The following DDC variants were observed in gnomAD, a reference collection of about 807,000 sequenced individuals.
DDC encodes the protein aromatic-L-amino-acid decarboxylase.
A neutral mutation model predicts 60.0 loss-of-function variants in DDC; 43 were observed. The observed-to-expected ratio is 0.72, with a 90% CI of 0.56 to 0.92. DDC has a LOEUF of 0.92. Ranked by LOEUF, DDC falls within the 40% of genes least tolerant of loss-of-function variation. DDC has a pLI of 0.00. For synonymous variants in DDC, 232 were observed against 234.6 expected, an observed-to-expected ratio of 0.99 and a Z score of 0.10; for missense variants, 573 against 620.2, an observed-to-expected ratio of 0.92 and a Z score of 0.81.
At chr7:50,510,097 A>G (rs566781246) in intron 6 of DDC, among the ~76,000 whole-genome samples, 28 of 151,792 alleles carry the variant, frequency 1.8e-4, no homozygotes, top group Non-Finnish European at 3.5e-4. Flanking sequence ...TCAGCTTCCC[A>G]AGTAGCTGGG....
chr7:50,478,944 T>G (rs2042707912), intron 10 of DDC, among the ~76,000 whole-genome samples: 2 of 152,256 alleles, frequency 1.3e-5, no homozygotes, highest in African/African-American at 4.8e-5. Flanking sequence ...TGTACATCTT[T>G]AATAATAAGG....
At chr7:50,471,739 G>T (rs909233699) in intron 11 of DDC, among the ~76,000 whole-genome samples, 1 of 152,178 alleles carries the variant, frequency 6.6e-6, no homozygotes, top group Non-Finnish European at 1.5e-5. Context: ...ACAGTTGTCT[G>T]CTGGTCAGCA....
intron 9 of DDC, among the ~76,000 whole-genome samples, chr7:50,493,439 G>A (rs2043054275): frequency 6.6e-6 from 1 of 152,198 alleles, no homozygotes; most frequent in Admixed American, 6.5e-5. Context: ...GCCAGAGCCT[G>A]TGGATGCTCT....
chr7:50,553,225 G>A (rs6593002), intron 1 of DDC, among the ~76,000 whole-genome samples: 13,741 of 152,162 alleles, frequency 0.09, 727 homozygotes, highest in South Asian at 0.12. Context: ...TGCAAACACC[G>A]GGATACTGGA....
At chr7:50,467,995 A>T (rs2042435746) in intron 12 of DDC, among the ~76,000 whole-genome samples, 1 of 152,212 alleles carries the variant, frequency 6.6e-6, no homozygotes, top group Admixed American at 6.5e-5. Flanking sequence ...TAGTTATAGA[A>T]CTCAGAAGCT....
chr7:50,551,178 T>G (rs4947644), intron 1 of DDC, among the ~76,000 whole-genome samples: 1 of 151,576 alleles, frequency 6.6e-6, no homozygotes, highest in Non-Finnish European at 1.5e-5. Flanking sequence ...ATACAATCAC[T>G]GGGCTTGAAT....
At position 50,463,315 on chromosome 7, in the gene DDC, G is replaced by A. The variant is rs2042325851; in HGVS notation, c.1359C>T (p.Arg453=). ...KFVLRFAICS[R]TVESAHVQRA... ...GCTGCACATGGGCAGATTCCACCGT[G>A]CGAGAACAGATGGCAAAGCGCAGGA... Residue 453 remains arginine, a synonymous_variant, in exon 14 of 15, where the codon CGC becomes CGT. Transcript: ENST00000444124. The A allele has an allele frequency of 6.2e-7, 1 of 1,614,248 alleles. No individual in the cohort carries two copies. Among genetic ancestry groups the A allele is most frequent in the Non-Finnish European group, 8.5e-7 (1 of 1,180,048 alleles).
At chr7:50,546,048 A>G (rs150837154) in intron 1 of DDC, among the ~76,000 whole-genome samples, 44 of 152,302 alleles carry the variant, frequency 2.9e-4, no homozygotes, top group African/African-American at 9.9e-4. Flanking sequence ...ATAGGATTCA[A>G]ATTTATAGCT....
intron 1 of DDC, among the ~76,000 whole-genome samples, chr7:50,563,665 G>A (rs1466707243): frequency 3.9e-5 from 6 of 152,068 alleles, no homozygotes; most frequent in Non-Finnish European, 7.4e-5. Context: ...GCAGTGACTC[G>A]ATCTCGGCTC....
intron 9 of DDC, among the ~76,000 whole-genome samples, chr7:50,494,819 A>C (rs1040806125): frequency 2.0e-5 from 3 of 151,646 alleles, no homozygotes; most frequent in Non-Finnish European, 4.4e-5. Flanking sequence ...GCACTACCAC[A>C]CCCAGCTAAT....
chr7:50,503,961 T>A (rs1457471402), intron 7 of DDC, 32 bp downstream of exon 7: 2 of 1,532,702 alleles, frequency 1.3e-6, no homozygotes, highest in East Asian at 4.5e-5. Flanking sequence ...CAGAGAACAT[T>A]TTCCAAAAAG....
At chr7:50,512,564 T>C (rs2043609736) in intron 6 of DDC, among the ~76,000 whole-genome samples, 1 of 152,210 alleles carries the variant, frequency 6.6e-6, no homozygotes, top group South Asian at 2.1e-4. Context: ...GCTGAGCATG[T>C]GTCCCTGGAG....
At chr7:50,505,712 G>A (rs371505583) in intron 6 of DDC, among the ~76,000 whole-genome samples, 4 of 152,256 alleles carry the variant, frequency 2.6e-5, no homozygotes, top group Non-Finnish European at 2.9e-5. Context: ...CAGACAGAGC[G>A]ATGCCTGCTC....
chr7:50,462,622 AT>A (rs1179830340), intron 14 of DDC, among the ~76,000 whole-genome samples: 1 of 152,242 alleles, frequency 6.6e-6, no homozygotes, highest in African/African-American at 2.4e-5. Flanking sequence ...ATAGTAAGTT[AT>A]CTCAACAAAT....
intron 14 of DDC, among the ~76,000 whole-genome samples, chr7:50,460,047 G>A (rs2042228637): frequency 6.8e-6 from 1 of 146,286 alleles, no homozygotes; most frequent in Admixed American, 6.7e-5. Context: ...GCCCCGTCCG[G>A]GAAGGAGGTG....
chr7:50,467,285 G>A lies in DDC; in HGVS notation c.1171C>T (p.Leu391=). 6.2e-7 allele frequency: 1 copy of A among 1,614,170 alleles called. No homozygotes were observed. Among genetic ancestry groups the A allele is most frequent in the Non-Finnish European group, 8.5e-7 (1 of 1,179,996 alleles). The change falls in exon 13 of 15, where the codon CTG becomes TTG. Residue 391 remains leucine, a synonymous_variant. Coordinates refer to ENST00000444124, the MANE Select transcript of DDC (RefSeq NM_001082971.2). ...HVQLSHEFES[L]VRQDPRFEIC... The stretch of plus-strand genomic sequence containing the variant: ...TCAAAGCGGGGATCCTGGCGCACCA[G>A]TGACTCAAACTCATGGGACAGCTGG...
intron 13 of DDC, among the ~76,000 whole-genome samples, chr7:50,466,596 T>C (rs1315332488): frequency 1.3e-5 from 2 of 151,838 alleles, no homozygotes; most frequent in South Asian, 2.1e-4. Flanking sequence ...ATGTGTGCAG[T>C]GCATCTTAGA....
At chr7:50,493,197 G>A (rs1350694827) in intron 9 of DDC, among the ~76,000 whole-genome samples, 1 of 152,134 alleles carries the variant, frequency 6.6e-6, no homozygotes, top group African/African-American at 2.4e-5. Flanking sequence ...AGAGGTTAGG[G>A]ACTTAGAAGG....
intron 13 of DDC, among the ~76,000 whole-genome samples, chr7:50,466,696 CA>C (rs2042406616): frequency 6.6e-6 from 1 of 152,148 alleles, no homozygotes; most frequent in Non-Finnish European, 1.5e-5. Context: ...GGTGAATGCA[CA>C]GCATCAGGCA....
Sources: gnomAD v4.1 joint callset for allele counts (sites outside exome capture counted in the v4.1 genomes callset) on GRCh38, gnomAD v4.1.1 for gene constraint, MANE v1.5 for transcripts, NCBI Gene and HGNC (gene_info 2026-07-23, HGNC 2026-07-21) for gene names.